The following TNFSF13 variants were observed in gnomAD, a reference collection of about 807,000 sequenced individuals.
The protein encoded by TNFSF13 is tumor necrosis factor ligand superfamily member 13.
Under a neutral mutation model 30.7 loss-of-function variants are expected in TNFSF13, and 18 were observed. The observed-to-expected ratio is 0.59, with a 90% confidence interval of 0.41 to 0.87. The LOEUF is 0.87. TNFSF13 is among the 40% of genes least tolerant of loss of function. The probability of loss-of-function intolerance (pLI) is 0.00; values close to 1 mark genes in which losing one functional copy is unlikely to be tolerated. For missense variants in TNFSF13, 286 were observed against 308.8 expected (o/e 0.93, Z 0.55); for synonymous variants, 116 against 123.2 (o/e 0.94, Z 0.39).
In TNFSF13 at chr17:7,559,119, T is replaced by G; in HGVS notation, c.80T>G (p.Leu27Arg). 1 of 1,606,144 alleles carries G rather than the reference T, an allele frequency of 6.2e-7. No homozygotes were observed. Among genetic ancestry groups the G allele is most frequent in the Non-Finnish European group, 8.5e-7 (1 of 1,174,254 alleles). The change falls in exon 1 of 6, where the codon CTC becomes CGC. Residue 27 changes from leucine (L) to arginine (R), a missense_variant. Coordinates refer to ENST00000338784, the MANE Select transcript of TNFSF13 (RefSeq NM_003808.4). The surrounding 1 kb of genome is among the most constrained non-coding windows in gnomAD (Gnocchi z 5.4). Reference protein sequence around the residue: ...NMGGPVREPALSVALWLSWGA... With the variant: ...NMGGPVREPARSVALWLSWGA... ...GGGGGCCCAGTCAGAGAGCCGGCAC[T>G]CTCAGTTGCCCTCTGGTTGAGTTGG...
chr17:7,558,759 A>C lies in TNFSF13; in HGVS notation c.-281A>C. On this transcript the variant is annotated 5_prime_UTR_variant, in exon 1 of 6. Transcript: ENST00000338784. The surrounding 1 kb of genome is among the most constrained non-coding windows in gnomAD (Gnocchi z 4.3). ...CCTGTTCCTCCTGGGTGTCACTGGC[A>C]GCCCTGTCCTTCCTAGAGGGACTGG... The C allele has an allele frequency of 3.8e-6, 1 of 264,420 alleles. No homozygotes were observed. Among genetic ancestry groups the C allele is most frequent in the Non-Finnish European group, 7.1e-6 (1 of 140,442 alleles). 16.4% of individuals were successfully genotyped at this position (264,420 alleles called of 1,614,324 possible).
Position 7,559,570 on chromosome 17 carries a change from G to A in TNFSF13, c.259-54G>A. On this transcript the variant is annotated intron_variant, in intron 1 of 5. Transcript: ENST00000338784. The surrounding 1 kb of genome is among the most constrained non-coding windows in gnomAD (Gnocchi z 5.4). The stretch of plus-strand genomic sequence containing the variant: ...GGGCAGGGGAGGGCTGGGAAGGCAG[G>A]CTGGCTGGGACCCTCGCATCTTAAC... 2.5e-6 allele frequency: 4 copies of A among 1,589,234 alleles called. No individual in the cohort carries two copies. The highest frequency in any genetic ancestry group is 3.4e-6 in the Non-Finnish European group (4 of 1,166,898).
rs1383275333 is a variant in TNFSF13, at chr17:7,558,939, A to G, written c.-101A>G. The G allele has an allele frequency of 7.8e-7, 1 of 1,287,836 alleles. No homozygotes were observed. Among genetic ancestry groups the G allele is most frequent in the Non-Finnish European group, 1.0e-6 (1 of 979,994 alleles). The allele number at this position is 1,287,836 out of a possible 1,614,324, so 79.8% of individuals were successfully genotyped here. On this transcript the variant is annotated 5_prime_UTR_variant, in exon 1 of 6. Coordinates refer to ENST00000338784, the MANE Select transcript of TNFSF13 (RefSeq NM_003808.4). The surrounding 1 kb of genome is among the most constrained non-coding windows in gnomAD (Gnocchi z 4.3). ...CCTTTTTATTTCTCCTTGCGTAACA[A>G]CCTTCTTCCCTTCTGCACCACTGCC...
At position 7,560,415 on chromosome 17, in the gene TNFSF13, G is replaced by A. The variant is rs1567725430; in HGVS notation, c.570G>A (p.Gln190=). The A allele has an allele frequency of 6.2e-7, 1 of 1,614,222 alleles. No individual in the cohort carries two copies. Among genetic ancestry groups the A allele is most frequent in the East Asian group, 2.2e-5 (1 of 44,888 alleles). The stretch of plus-strand genomic sequence containing the variant: ...TGTCTCGAGAAGGCCAAGGAAGGCA[G>A]GAGACTCTATTCCGATGTATAAGAA... ...QVVSREGQGR[Q]ETLFRCIRSM... The change falls in exon 5 of 6, where the codon CAG becomes CAA. Residue 190 remains glutamine (Q), a synonymous_variant. Transcript: ENST00000338784.
chr17:7,561,167 C>A lies in TNFSF13; in HGVS notation c.*334C>A. Reference sequence around the variant, plus strand: ...ATCTAGCGGCCGCTCGAGGGAAGCACCCGCCGGTTGGCCGAAGTCCACGAA... The same window carrying A: ...ATCTAGCGGCCGCTCGAGGGAAGCAACCGCCGGTTGGCCGAAGTCCACGAA... On this transcript the variant is annotated 3_prime_UTR_variant, in exon 6 of 6. Coordinates refer to ENST00000338784, the MANE Select transcript of TNFSF13 (RefSeq NM_003808.4). The surrounding 1 kb of genome is among the most constrained non-coding windows in gnomAD (Gnocchi z 4.4). 2.5e-6 allele frequency: 3 copies of A among 1,216,926 alleles called. No individual in the cohort carries two copies. The highest frequency in any genetic ancestry group is 4.2e-5 in the Admixed American group (2 of 47,970). 75.4% of individuals were successfully genotyped at this position (1,216,926 alleles called of 1,614,324 possible).
In TNFSF13 at chr17:7,558,987, C is replaced by A; in HGVS notation, c.-53C>A. 1 of 1,482,736 alleles carries A rather than the reference C, an allele frequency of 6.7e-7. No individual in the cohort carries two copies. Among genetic ancestry groups the A allele is most frequent in the African/African-American group, 1.4e-5 (1 of 70,918 alleles). The allele number at this position is 1,482,736 out of a possible 1,614,324, so 91.8% of individuals were successfully genotyped here. A position where few individuals can be genotyped will look rare whatever the true frequency, so the allele number is the denominator to read the frequency against. ...GCCCGTACCCTTACCCGCCCCGCCA[C>A]CTCCTTGCTACCCCACTCTTGAAAC... On this transcript the variant is annotated 5_prime_UTR_variant, in exon 1 of 6. Coordinates refer to ENST00000338784, the MANE Select transcript of TNFSF13 (RefSeq NM_003808.4). This position sits in a 1 kb window ranked among gnomAD's most constrained non-coding sequence, Gnocchi z 4.3.
Position 7,559,726 on chromosome 17 carries a change from G to A in TNFSF13, c.337+24G>A, listed in dbSNP as rs2071144760. ...GAGTGAGGCTTCCAGGGTGCAGCAG[G>A]GGTGGGAGGTGATCAAGCAGCGTGG... On this transcript the variant is annotated intron_variant, in intron 2 of 5. Transcript: ENST00000338784. This position sits in a 1 kb window ranked among gnomAD's most constrained non-coding sequence, Gnocchi z 5.4. 10 of 1,613,884 alleles carry A rather than the reference G, an allele frequency of 6.2e-6. No homozygotes were observed. The highest frequency in any genetic ancestry group is 8.5e-6 in the Non-Finnish European group (10 of 1,179,930).
chr17:7,560,398 G>C lies in TNFSF13; in HGVS notation c.553G>C (p.Glu185Gln). The C allele has an allele frequency of 6.8e-6, 11 of 1,614,208 alleles. No individual in the cohort carries two copies. Among genetic ancestry groups the C allele is most frequent in the Non-Finnish European group, 9.3e-6 (11 of 1,180,032 alleles). The change falls in exon 5 of 6, where the codon GAA becomes CAA. Residue 185 changes from glutamate to glutamine, a missense_variant. Physicochemically the swap from Glu to Gln is conservative, Grantham distance 29. Coordinates refer to ENST00000338784, the MANE Select transcript of TNFSF13 (RefSeq NM_003808.4). ...CACCATGGGTCAGGTGGTGTCTCGA[G>C]AAGGCCAAGGAAGGCAGGAGACTCT... ...TFTMGQVVSR[E>Q]GQGRQETLFR...
At position 7,559,480 on chromosome 17, in the gene TNFSF13, A is replaced by G; in HGVS notation, c.259-144A>G. 7.3e-7 allele frequency: 1 copy of G among 1,373,402 alleles called. No homozygotes were observed. The allele number at this position is 1,373,402 out of a possible 1,614,324, so 85.1% of individuals were successfully genotyped here. ...GCTTCTCATACCTAACAAATCCTGG[A>G]GGGCAGCCAGCACCAACACTCAGGG... On this transcript the variant is annotated intron_variant, in intron 1 of 5. Transcript: ENST00000338784. The surrounding 1 kb of genome is among the most constrained non-coding windows in gnomAD (Gnocchi z 5.4).
rs756285578 is a variant in TNFSF13, at chr17:7,560,177, G to A, written c.504+10G>A. 6.8e-6 allele frequency: 11 copies of A among 1,613,972 alleles called. No individual in the cohort carries two copies. In the South Asian group the frequency reaches 1.1e-4, roughly 16 times the overall value. On this transcript the variant is annotated intron_variant, in intron 4 of 5. Transcript: ENST00000338784. ...TCTGCTGTATAGCCAGGTAACCCCA[G>A]CCACACTCTGAGCTTCACAGAGGGC... is the stretch of plus-strand genomic sequence containing the variant.
Position 7,559,875 on chromosome 17 carries a change from A to G in TNFSF13, c.367A>G (p.Ile123Val), listed in dbSNP as rs766951167. ...GCACTCTGTCCTGCACCTGGTTCCC[A>G]TTAACGCCACCTCCAAGGGTGAGCA... ...KQHSVLHLVP[I>V]NATSKDDSDV... The change falls in exon 3 of 6, where the codon ATT becomes GTT. Residue 123 changes from isoleucine to valine, a missense_variant. Coordinates refer to ENST00000338784, the MANE Select transcript of TNFSF13 (RefSeq NM_003808.4). The surrounding 1 kb of genome is among the most constrained non-coding windows in gnomAD (Gnocchi z 5.4). 2 of 1,614,120 alleles carry G rather than the reference A, an allele frequency of 1.2e-6. No individual in the cohort carries two copies. The highest frequency in any genetic ancestry group is 1.7e-6 in the Non-Finnish European group (2 of 1,180,024).
rs780590744 is a variant in TNFSF13 at position 7,559,482 on chromosome 17, G to C, written c.259-142G>C. 2.2e-6 allele frequency: 3 copies of C among 1,376,692 alleles called. No individual in the cohort carries two copies. 85.3% of individuals were successfully genotyped at this position (1,376,692 alleles called of 1,614,324 possible). A position where few individuals can be genotyped will look rare whatever the true frequency, so the allele number is the denominator to read the frequency against. On this transcript the variant is annotated intron_variant, in intron 1 of 5. Transcript: ENST00000338784. This position sits in a 1 kb window ranked among gnomAD's most constrained non-coding sequence, Gnocchi z 5.4. ...TTCTCATACCTAACAAATCCTGGAG[G>C]GCAGCCAGCACCAACACTCAGGGTG... is the stretch of plus-strand genomic sequence containing the variant.
chr17:7,560,186 T>C lies in TNFSF13; in HGVS notation c.504+19T>C. ...TAGCCAGGTAACCCCAGCCACACTC[T>C]GAGCTTCACAGAGGGCCTCTTTGGC... On this transcript the variant is annotated intron_variant, in intron 4 of 5. Coordinates refer to ENST00000338784, the MANE Select transcript of TNFSF13 (RefSeq NM_003808.4). The C allele has an allele frequency of 6.2e-7, 1 of 1,613,934 alleles. No homozygotes were observed.
rs756668264 is a variant in TNFSF13 at position 7,560,842 on chromosome 17, T to C, written c.*9T>C. The C allele has an allele frequency of 6.2e-7, 1 of 1,613,806 alleles. No individual in the cohort carries two copies. ...GGTTTGTGAAACTGTGATTGTGTTA[T>C]AAAAAGTGGCTCCCAGCTTGGAAGA... On this transcript the variant is annotated 3_prime_UTR_variant, in exon 6 of 6. Transcript: ENST00000338784.
At chr17:7,560,243 A>G (rs1437811524) in intron 4 of TNFSF13, 76 bp downstream of exon 4, 1 of 1,611,280 alleles carries the variant, frequency 6.2e-7, no homozygotes, top group African/African-American at 1.3e-5. Flanking sequence ...CCCTCTATTC[A>G]TACCAAACCC....
In TNFSF13 at chr17:7,560,340, T is replaced by C. The variant is rs751574572; in HGVS notation, c.505-10T>C. ...ATCCTGTTTTCTTCAACATCTCCCT[T>C]CCCTGCCAGGTCCTGTTTCAAGACG... On this transcript the variant is annotated splice_polypyrimidine_tract_variant and intron_variant, in intron 4 of 5. Transcript: ENST00000338784. 1.9e-6 allele frequency: 3 copies of C among 1,613,982 alleles called. No homozygotes were observed. The African/African-American group carries it at 4.0e-5, about 22-fold the overall frequency.
At chr17:7,560,689 G>A (rs1209662737) in intron 5 of TNFSF13, 35 bp from the exon 6 acceptor site, 1 of 1,613,732 alleles carries the variant, frequency 6.2e-7, no homozygotes, top group Non-Finnish European at 8.5e-7. Context: ...GGATGGCTGT[G>A]CTTCACTGCG....
Position 7,561,072 on chromosome 17 carries a change from C to G in TNFSF13, c.*239C>G. The G allele has an allele frequency of 6.3e-7, 1 of 1,594,324 alleles. No individual in the cohort carries two copies. Among genetic ancestry groups the G allele is most frequent in the South Asian group, 1.1e-5 (1 of 90,340 alleles). On this transcript the variant is annotated 3_prime_UTR_variant, in exon 6 of 6. Transcript: ENST00000338784. The surrounding 1 kb of genome is among the most constrained non-coding windows in gnomAD (Gnocchi z 4.4). ...TTCTTGCGTGTGTGTAGATGAGGGG[C>G]GGGGGACGGGCGCCAGGCATTGTCC...
At position 7,561,042 on chromosome 17, in the gene TNFSF13, C is replaced by T. The variant is rs759785077; in HGVS notation, c.*209C>T. On this transcript the variant is annotated 3_prime_UTR_variant, in exon 6 of 6. Coordinates refer to ENST00000338784, the MANE Select transcript of TNFSF13 (RefSeq NM_003808.4). This position sits in a 1 kb window ranked among gnomAD's most constrained non-coding sequence, Gnocchi z 4.4. ...TCTTGCTTCTGTTCCCCATGGAGCT[C>T]CGAATTCTTGCGTGTGTGTAGATGA... is the stretch of plus-strand genomic sequence containing the variant. 6.2e-7 allele frequency: 1 copy of T among 1,613,954 alleles called. No homozygotes were observed.
Sources: allele counts gnomAD v4.1 joint callset, GRCh38; gene constraint gnomAD v4.1.1; non-coding constraint Gnocchi (gnomAD v3.1); transcripts MANE v1.5; gene names NCBI Gene and HGNC (gene_info 2026-07-23, HGNC 2026-07-21).